Variants in EEPD1 observed in about 807,000 individuals in gnomAD.
The protein encoded by EEPD1 is endonuclease/exonuclease/phosphatase family domain-containing protein 1.
A neutral mutation model predicts 46.3 loss-of-function variants in EEPD1; 17 were observed. That is an observed-to-expected ratio of 0.37 (90% confidence interval 0.25 to 0.55). The LOEUF (loss-of-function observed/expected upper bound fraction) is 0.55, where lower values mean the gene tolerates loss of function less well. EEPD1 is among the 20% of genes least tolerant of loss of function. The probability of loss-of-function intolerance (pLI) is 0.83; values close to 1 mark genes in which losing one functional copy is unlikely to be tolerated. For synonymous variants in EEPD1, 313 were observed against 315.6 expected (o/e 0.99, Z 0.09); for missense variants, 673 against 745.6 (o/e 0.90, Z 1.13).
intron 3 of EEPD1, among the ~76,000 whole-genome samples, chr7:36,268,078 C>T (rs560003139): frequency 6.6e-6 from 1 of 152,268 alleles, no homozygotes; most frequent in African/African-American, 2.4e-5. Context: ...CTGTGGTATT[C>T]CTTGAAGCAG....
chr7:36,237,244 A>G (rs1425631103), intron 2 of EEPD1, among the ~76,000 whole-genome samples: 3 of 152,180 alleles, frequency 2.0e-5, no homozygotes, highest in Non-Finnish European at 4.4e-5. Context: ...CGGACACACC[A>G]TCTTTAAGAA....
chr7:36,293,155 A>G (rs1045591491), intron 6 of EEPD1, among the ~76,000 whole-genome samples: 1 of 152,238 alleles, frequency 6.6e-6, no homozygotes, highest in Admixed American at 6.5e-5. Flanking sequence ...GATCCCATTC[A>G]TAATAAAAAT....
At chr7:36,155,266 G>A in intron 2 of EEPD1, 64 bp downstream of exon 2, 1 of 1,462,764 alleles carries the variant, frequency 6.8e-7, no homozygotes, top group Non-Finnish European at 9.1e-7. Flanking sequence ...CTCATCTATG[G>A]ATGCAAATGA....
At chr7:36,198,342 G>GAAAAAAAAAAAAAAA (rs1361024411) in intron 2 of EEPD1, among the ~76,000 whole-genome samples, 1 of 33,098 alleles carries the variant, frequency 3.0e-5, no homozygotes, top group African/African-American at 1.2e-4. Context: ...AAAAAGAAAA[G>GAAAAAAAAAAAAAAA]AAAAAAAAAA....
chr7:36,176,850 A>G (rs1199327425), intron 2 of EEPD1, among the ~76,000 whole-genome samples: 1 of 152,252 alleles, frequency 6.6e-6, no homozygotes, highest in Non-Finnish European at 1.5e-5. Flanking sequence ...ATAAAGTTAT[A>G]CAAACTAAAA....
At chr7:36,191,973 C>CT in intron 2 of EEPD1, among the ~76,000 whole-genome samples, 1 of 152,152 alleles carries the variant, frequency 6.6e-6, no homozygotes, top group Non-Finnish European at 1.5e-5. Context: ...AGGGGCTCTT[C>CT]TTTAGAAGAG....
intron 4 of EEPD1, 32 bp from the exon 5 acceptor site, chr7:36,284,654 G>T: frequency 6.2e-7 from 1 of 1,601,276 alleles, no homozygotes; most frequent in Non-Finnish European, 8.5e-7. Context: ...TAGGGCTCTG[G>T]CACCAAGACT....
At chr7:36,174,993 G>A (rs780364082) in intron 2 of EEPD1, among the ~76,000 whole-genome samples, 7 of 152,192 alleles carry the variant, frequency 4.6e-5, no homozygotes, top group Non-Finnish European at 7.3e-5. Flanking sequence ...ATGGACAGAA[G>A]GAGGAAAGTG....
rs1166778715 is a variant in EEPD1, at chr7:36,193,331, G to T, written c.878+38129G>T. Among the ~76,000 whole-genome samples the T allele has an allele frequency of 2.0e-5, 3 of 152,186 alleles. No homozygotes were observed. The highest frequency in any genetic ancestry group is 7.2e-5 in the African/African-American group (3 of 41,450). On this transcript the variant is annotated intron_variant, in intron 2 of 7. Coordinates refer to ENST00000242108, the MANE Select transcript of EEPD1 (RefSeq NM_030636.3). This position sits in a 1 kb window ranked among gnomAD's most constrained non-coding sequence, Gnocchi z 4.9. ...GAGGGAGAGTGTGCAGAAGCCTGGA[G>T]CCTGGAGAGGGGAGGAATGAAGGCG...
chr7:36,184,090 T>C (rs1344416822), intron 2 of EEPD1, among the ~76,000 whole-genome samples: 1 of 152,162 alleles, frequency 6.6e-6, no homozygotes, highest in African/African-American at 2.4e-5. Context: ...TTTCAGGTTT[T>C]TCCACCTAAT....
At chr7:36,246,099 C>T (rs931727436) in intron 3 of EEPD1, among the ~76,000 whole-genome samples, 2 of 152,238 alleles carry the variant, frequency 1.3e-5, no homozygotes, top group Non-Finnish European at 2.9e-5. Flanking sequence ...CCAGCTGGAC[C>T]GTGGTAGGAC....
intron 1 of EEPD1, 61 bp downstream of exon 1, chr7:36,153,735 C>G (rs934925383): frequency 6.5e-6 from 1 of 152,930 alleles, no homozygotes; most frequent in African/African-American, 2.4e-5. Flanking sequence ...TCTCAGTGCC[C>G]GCTCCGGGGA....
At chr7:36,171,250 T>C (rs1297066874) in intron 2 of EEPD1, among the ~76,000 whole-genome samples, 1 of 152,146 alleles carries the variant, frequency 6.6e-6, no homozygotes. Flanking sequence ...CAGGTATAAA[T>C]CAATTTTGGC....
intron 3 of EEPD1, among the ~76,000 whole-genome samples, chr7:36,248,962 GTTAA>G (rs762359808): frequency 3.8e-4 from 55 of 144,528 alleles, no homozygotes; most frequent in Non-Finnish European, 6.8e-4. Context: ...GGGCATTTTA[GTTAA>G]TTATGGGCTA....
At chr7:36,221,815 A>G (rs1177529924) in intron 2 of EEPD1, among the ~76,000 whole-genome samples, 3 of 152,352 alleles carry the variant, frequency 2.0e-5, no homozygotes, top group South Asian at 4.1e-4. Context: ...TGCCATTTCA[A>G]TGATTTTCTA....
intron 2 of EEPD1, among the ~76,000 whole-genome samples, chr7:36,164,264 A>T (rs961937488): frequency 3.0e-4 from 46 of 152,354 alleles, no homozygotes; most frequent in African/African-American, 1.0e-3. Flanking sequence ...TCTTAGAAAC[A>T]ACTTATCTTT....
intron 2 of EEPD1, among the ~76,000 whole-genome samples, chr7:36,168,906 C>T (rs535750765): frequency 3.9e-5 from 6 of 152,256 alleles, no homozygotes; most frequent in East Asian, 1.9e-4. Flanking sequence ...TCATCTGATT[C>T]AATTTGAAGA....
chr7:36,252,109 ACTT>A (rs1786747385), intron 3 of EEPD1, among the ~76,000 whole-genome samples: 1 of 152,174 alleles, frequency 6.6e-6, no homozygotes, highest in African/African-American at 2.4e-5. Flanking sequence ...AAGTTTCGTT[ACTT>A]CTTAGTCTTC....
intron 2 of EEPD1, among the ~76,000 whole-genome samples, chr7:36,237,340 T>C (rs1480313703): frequency 2.0e-5 from 3 of 152,212 alleles, no homozygotes; most frequent in African/African-American, 7.2e-5. Context: ...CATTGTGATG[T>C]TGTCTAGGCT....
Sources: gnomAD v4.1 joint callset for allele counts (sites outside exome capture counted in the v4.1 genomes callset) on GRCh38, gnomAD v4.1.1 for gene constraint, Gnocchi (gnomAD v3.1) non-coding constraint, MANE v1.5 for transcripts, NCBI Gene and HGNC (gene_info 2026-07-23, HGNC 2026-07-21) for gene names.